The following ARHGAP32 variants were observed in gnomAD, a reference collection of about 807,000 sequenced individuals.
ARHGAP32 encodes the protein Rho GTPase activating protein 32.
ARHGAP32 carries 51 observed loss-of-function variants against 186.5 expected under a neutral mutation model. The ratio of observed to expected loss-of-function variants is 0.27; its 90% CI spans 0.22 to 0.35. The LOEUF is 0.35. Ranked by LOEUF, ARHGAP32 falls within the 10% of genes least tolerant of loss-of-function variation. The pLI is 1.00. For synonymous variants in ARHGAP32, 950 were observed against 964.3 expected (o/e 0.99, Z 0.27); for missense variants, 2,186 against 2,623.5 (o/e 0.83, Z 3.64).
Position 128,972,811 on chromosome 11 carries a change from C to T in ARHGAP32, c.3695G>A (p.Gly1232Asp), listed in dbSNP as rs755187440. 14 of 1,613,872 alleles carry T rather than the reference C, an allele frequency of 8.7e-6. No homozygotes were observed. In the South Asian group the frequency reaches 1.4e-4, roughly 16 times the overall value. The change falls in exon 22 of 23, where the codon GGT (glycine) becomes GAT (aspartate). Residue 1232 changes from glycine (G) to aspartate (D), a missense_variant. Physicochemically the swap from Gly to Asp is moderately conservative, Grantham distance 94. This residue lies in a region of ARHGAP32 where 1,502 missense variants were observed against 1,570.0 expected (regional missense o/e 0.96). Transcript: ENST00000682385. Reference protein sequence around the residue: ...YSGDQPPSYLGASVDKLHHPL... With the variant: ...YSGDQPPSYLDASVDKLHHPL... The stretch of plus-strand genomic sequence containing the variant: ...GTGATGGAGTTTATCCACACTTGCA[C>T]CAAGATAAGAAGGAGGCTGATCTCC...
chr11:129,092,890 TA>T (rs1183379917), intron 6 of ARHGAP32, among the ~76,000 whole-genome samples: 1 of 152,024 alleles, frequency 6.6e-6, no homozygotes, highest in African/African-American at 2.4e-5. Context: ...TTACAATGAC[TA>T]ATTCACCAGT....
chr11:129,105,188 A>T (rs1942014430), intron 5 of ARHGAP32, among the ~76,000 whole-genome samples: 1 of 152,244 alleles, frequency 6.6e-6, no homozygotes, highest in African/African-American at 2.4e-5. Flanking sequence ...CATAAAGTAA[A>T]CAACCTAAAA....
chr11:129,261,725 G>A (rs1945322651), intron 1 of ARHGAP32, among the ~76,000 whole-genome samples: 1 of 152,084 alleles, frequency 6.6e-6, no homozygotes, highest in African/African-American at 2.4e-5. Context: ...CTTCTTATTG[G>A]GAGCAAACAG....
Position 128,969,174 on chromosome 11 carries a change from C to G in ARHGAP32, c.6039G>C (p.Arg2013Ser). Residue 2013 changes from arginine to serine, a missense_variant, in exon 23 of 23, where the codon AGG becomes AGC. Arg to Ser is a moderately radical substitution (Grantham distance 110). This residue lies in a region of ARHGAP32 where 1,502 missense variants were observed against 1,570.0 expected (regional missense o/e 0.96). Coordinates refer to ENST00000682385, the MANE Select transcript of ARHGAP32 (RefSeq NM_001378024.1). This position sits in a 1 kb window ranked among gnomAD's most constrained non-coding sequence, Gnocchi z 4.8. The stretch of plus-strand genomic sequence containing the variant: ...GGTACTGGTACAGCACACTGGGGTC[C>G]CTCTCCACGTTCTGGGTATGATGGA... ...LKLHHTQNVE[R>S]DPSVLYQYQP... is the part of the protein sequence containing the mutation. 1 of 1,613,486 alleles carries G rather than the reference C, an allele frequency of 6.2e-7. No homozygotes were observed.
At chr11:129,159,663 T>G (rs1278780593) in intron 2 of ARHGAP32, among the ~76,000 whole-genome samples, 1 of 152,004 alleles carries the variant, frequency 6.6e-6, no homozygotes, top group Non-Finnish European at 1.5e-5. Context: ...CTGGTACCAT[T>G]CCTTCTGAAA....
At chr11:129,173,675 C>T (rs1264863311) in intron 1 of ARHGAP32, among the ~76,000 whole-genome samples, 1 of 152,136 alleles carries the variant, frequency 6.6e-6, no homozygotes, top group Admixed American at 6.5e-5. Context: ...ATATGCAAAT[C>T]AATAAATGTA....
chr11:129,196,426 T>C (rs1314638130), upstream of ARHGAP32, among the ~76,000 whole-genome samples: 6 of 152,206 alleles, frequency 3.9e-5, no homozygotes, highest in Admixed American at 2.6e-4. Flanking sequence ...TTTACATTGA[T>C]AGTTATTATA....
In ARHGAP32 at chr11:128,968,916, A is replaced by G. The variant is rs1323505099; in HGVS notation, c.6297T>C (p.His2099=). The G allele has an allele frequency of 1.3e-6, 2 of 1,524,742 alleles. No individual in the cohort carries two copies. The highest frequency in any genetic ancestry group is 2.3e-5 in the East Asian group (1 of 43,662). 94.5% of individuals were successfully genotyped at this position (1,524,742 alleles called of 1,614,324 possible). ...LSLQHPETQI[H]AE is the part of the protein sequence containing the mutation. ...CTATTGCTCGCAGGGCTCATTCTGC[A>G]TGGATCTGTGTTTCAGGATGCTGCA... Residue 2099 remains histidine (H), a synonymous_variant, in exon 23 of 23, where the codon CAT becomes CAC. Coordinates refer to ENST00000682385, the MANE Select transcript of ARHGAP32 (RefSeq NM_001378024.1).
intron 1 of ARHGAP32, among the ~76,000 whole-genome samples, chr11:129,230,877 GTCATC>G (rs1944849940): frequency 6.6e-6 from 1 of 152,164 alleles, no homozygotes; most frequent in Admixed American, 6.6e-5. Context: ...GCTCACACCT[GTCATC>G]TCATCACTTT....
intron 2 of ARHGAP32, among the ~76,000 whole-genome samples, chr11:129,134,217 A>T (rs1942886778): frequency 6.6e-6 from 1 of 152,178 alleles, no homozygotes; most frequent in South Asian, 2.1e-4. Context: ...TCATTAAAAA[A>T]AAAGAGAGCG....
chr11:129,183,940 A>C (rs1024971694), intron 1 of ARHGAP32, among the ~76,000 whole-genome samples: 1 of 152,150 alleles, frequency 6.6e-6, no homozygotes, highest in East Asian at 1.9e-4. Context: ...TCATTAAGTT[A>C]AATAGGAAAA....
intron 5 of ARHGAP32, among the ~76,000 whole-genome samples, chr11:129,111,653 G>A (rs868433237): frequency 1.3e-5 from 2 of 152,126 alleles, no homozygotes; most frequent in South Asian, 2.1e-4. Flanking sequence ...AAATTTATCC[G>A]TTTCTTCTTG....
chr11:129,235,535 T>C (rs1005030846), intron 1 of ARHGAP32, among the ~76,000 whole-genome samples: 2 of 152,164 alleles, frequency 1.3e-5, no homozygotes, highest in African/African-American at 4.8e-5. Context: ...GACACAATTA[T>C]AGGTCCATAA....
At chr11:129,211,737 G>T (rs960310262) in intron 1 of ARHGAP32, among the ~76,000 whole-genome samples, 2 of 152,184 alleles carry the variant, frequency 1.3e-5, no homozygotes, top group Non-Finnish European at 2.9e-5. Context: ...ACAGTTGATT[G>T]TGTTTAATGA....
At chr11:129,225,984 G>A (rs891751046) in intron 1 of ARHGAP32, among the ~76,000 whole-genome samples, 10 of 152,062 alleles carry the variant, frequency 6.6e-5, no homozygotes, top group Non-Finnish European at 1.5e-4. Context: ...TTCACTAGAA[G>A]GGCTCAACAG....
At position 129,060,853 on chromosome 11, in the gene ARHGAP32, A is replaced by AT. The variant is rs1349688070; in HGVS notation, c.963+1426dup. 4.6e-5 allele frequency among the ~76,000 whole-genome samples: 7 copies of AT among 152,130 alleles called. No homozygotes were observed. In the East Asian group the frequency reaches 1.3e-3, roughly 29 times the overall value. ...AGACCTGGTCTAATAAGCATGTTCT[A>AT]TTTTTATTCTCACATATTTAATCTT... On this transcript the variant is annotated intron_variant, in intron 10 of 22. Coordinates refer to ENST00000682385, the MANE Select transcript of ARHGAP32 (RefSeq NM_001378024.1).
chr11:129,218,102 A>C (rs1196899163), intron 1 of ARHGAP32, among the ~76,000 whole-genome samples: 1 of 152,206 alleles, frequency 6.6e-6, no homozygotes, highest in Non-Finnish European at 1.5e-5. Flanking sequence ...CTACTTTTAA[A>C]ATCTGTTGAC....
At chr11:129,193,398 C>G (rs551892938), upstream of ARHGAP32, among the ~76,000 whole-genome samples, 82 of 124,944 alleles carry the variant, frequency 6.6e-4, 3 homozygotes, top group Middle Eastern at 8.3e-3. Context: ...GGGAGGATCG[C>G]CTGAGCCTGG....
At chr11:129,266,594 T>A (rs1945403735) in intron 1 of ARHGAP32, among the ~76,000 whole-genome samples, 1 of 152,242 alleles carries the variant, frequency 6.6e-6, no homozygotes, top group South Asian at 2.1e-4. Flanking sequence ...CACATCTAAT[T>A]TGAGGCACCA....
Sources: allele counts gnomAD v4.1 joint callset (sites outside exome capture counted in the v4.1 genomes callset), GRCh38; gene constraint gnomAD v4.1.1; regional missense constraint gnomAD v4.1.1; non-coding constraint Gnocchi (gnomAD v3.1); transcripts MANE v1.5; gene names NCBI Gene and HGNC (gene_info 2026-07-23, HGNC 2026-07-21).